ITGAM: variants seen among roughly 807,000 people sequenced by gnomAD.
The protein encoded by ITGAM is integrin alpha-M.
ITGAM carries 79 observed loss-of-function variants against 137.5 expected under a neutral mutation model. The ratio of observed to expected loss-of-function variants is 0.57; its 90% CI spans 0.48 to 0.69. The LOEUF is 0.69. ITGAM is among the 30% of genes least tolerant of loss of function. The pLI is 0.00. For synonymous variants in ITGAM, 583 were observed against 592.3 expected (o/e 0.98, Z 0.23); for missense variants, 1,343 against 1,483.5 (o/e 0.91, Z 1.56).
At position 31,330,583 on chromosome 16, in the gene ITGAM, AG is replaced by A; in HGVS notation, c.3259del (p.Ala1087ArgfsTer3). ...TCCGTGTTCACCCTGCTGCCGGGAC[AG>A]GGGGCGTTTGTGAGGTCCCAGGTAC... ...NDSVFTLLPGQGAFVRSQTET... is the reference protein window; with the variant it reads ...NDSVFTLLPGXGAFVRSQTET... On this transcript the variant is annotated frameshift_variant, in exon 28 of 30. Transcript: ENST00000544665. LOFTEE classifies it high-confidence loss of function. 6.2e-7 allele frequency: 1 copy of A among 1,611,458 alleles called. No homozygotes were observed. Among genetic ancestry groups the A allele is most frequent in the Non-Finnish European group, 8.5e-7 (1 of 1,178,422 alleles).
At chr16:31,315,385 C>T (rs11860650) in intron 14 of ITGAM, among the ~76,000 whole-genome samples, 21,632 of 152,096 alleles carry the variant, frequency 0.14, 1,714 homozygotes, top group South Asian at 0.2. Flanking sequence ...TTTCCCTCTA[C>T]GTTTCCTTCT....
At chr16:31,275,217 T>A (rs41450146) in intron 8 of ITGAM, among the ~76,000 whole-genome samples, 111 of 152,126 alleles carry the variant, frequency 7.3e-4, no homozygotes, top group African/African-American at 2.7e-3. Context: ...GAAAGCGATA[T>A]CACCATGGAT....
intron 12 of ITGAM, among the ~76,000 whole-genome samples, 186 bp downstream of exon 12, chr16:31,278,295 GATAA>G (rs1323780540): frequency 6.6e-6 from 1 of 152,126 alleles, no homozygotes; most frequent in Non-Finnish European, 1.5e-5. Flanking sequence ...TTTTAACAAT[GATAA>G]ATAACAATGC....
intron 14 of ITGAM, among the ~76,000 whole-genome samples, chr16:31,304,152 CA>C (rs1448205207): frequency 6.6e-6 from 1 of 152,088 alleles, no homozygotes; most frequent in African/African-American, 2.4e-5. Context: ...TAGTTATGGC[CA>C]TTCTTGCAGG....
At chr16:31,292,881 C>A (rs994028784) in intron 12 of ITGAM, among the ~76,000 whole-genome samples, 2 of 152,110 alleles carry the variant, frequency 1.3e-5, no homozygotes, top group African/African-American at 4.8e-5. Context: ...CCACTCCCAC[C>A]AACAGTATAA....
At chr16:31,322,413 G>A (rs1016088002) in intron 16 of ITGAM, among the ~76,000 whole-genome samples, 1 of 152,204 alleles carries the variant, frequency 6.6e-6, no homozygotes, top group Admixed American at 6.5e-5. Flanking sequence ...AATTGAAGAA[G>A]AGGTACCCTT....
At chr16:31,320,507 GCTCA>G (rs1379707893) in intron 14 of ITGAM, among the ~76,000 whole-genome samples, 1 of 151,978 alleles carries the variant, frequency 6.6e-6, no homozygotes, top group African/African-American at 2.4e-5. Context: ...GTTCCAAAAA[GCTCA>G]CTATTAAAAA....
intron 5 of ITGAM, among the ~76,000 whole-genome samples, chr16:31,270,736 TA>T (rs1434505061): frequency 1.9e-4 from 22 of 115,682 alleles, no homozygotes; most frequent in Non-Finnish European, 2.5e-4. Context: ...TATATATATA[TA>T]TATATATGTT....
chr16:31,302,490 C>CTTT (rs1287168018), intron 14 of ITGAM, among the ~76,000 whole-genome samples: 76 of 67,686 alleles, frequency 1.1e-3, no homozygotes, highest in African/African-American at 5.7e-3. Flanking sequence ...TTTCTTTTTT[C>CTTT]TTTCCTTCTT....
intron 29 of ITGAM, 128 bp from the exon 30 acceptor site, chr16:31,331,508 A>T (rs1266594438): frequency 3.1e-6 from 2 of 637,398 alleles, no homozygotes; most frequent in African/African-American, 3.8e-5. Flanking sequence ...CGCGGATGTC[A>T]CTCCCCTCCC....
At chr16:31,305,460 C>A (rs1031973341) in intron 14 of ITGAM, among the ~76,000 whole-genome samples, 1 of 152,076 alleles carries the variant, frequency 6.6e-6, no homozygotes. Flanking sequence ...TTTCTCTTGA[C>A]TGATTTGATT....
intron 12 of ITGAM, among the ~76,000 whole-genome samples, chr16:31,279,206 G>A (rs998572150): frequency 1.4e-4 from 22 of 152,240 alleles, no homozygotes; most frequent in South Asian, 6.2e-4. Context: ...ATATGTGTGC[G>A]TGTGCCTTTA....
intron 14 of ITGAM, among the ~76,000 whole-genome samples, chr16:31,313,877 C>G (rs2080362184): frequency 6.6e-6 from 1 of 152,162 alleles, no homozygotes; most frequent in African/African-American, 2.4e-5. Flanking sequence ...TCTCCACATC[C>G]TCTCCAGCAT....
At position 31,329,890 on chromosome 16, in the gene ITGAM, G is replaced by A; in HGVS notation, c.2961G>A (p.Gln987=). ...LNQTVIWDRP[Q]VTFSENLSST... ...AGACTGTCATATGGGACCGCCCCCA[G>A]GTCACCTTCTCCGAGGTGAGCGGAG... is the stretch of plus-strand genomic sequence containing the variant. The change falls in exon 25 of 30, where the codon CAG becomes CAA. Residue 987 remains glutamine, a synonymous_variant. Coordinates refer to ENST00000544665, the MANE Select transcript of ITGAM (RefSeq NM_000632.4). The A allele has an allele frequency of 1.3e-6, 2 of 1,561,634 alleles. No individual in the cohort carries two copies. Among genetic ancestry groups the A allele is most frequent in the South Asian group, 1.2e-5 (1 of 84,792 alleles).
chr16:31,293,128 T>G (rs996600390), intron 12 of ITGAM, among the ~76,000 whole-genome samples: 40 of 152,220 alleles, frequency 2.6e-4, no homozygotes, highest in Non-Finnish European at 5.9e-5. Context: ...TAAATTTGTT[T>G]AAGTACCCTG....
chr16:31,276,781 G>T, intron 10 of ITGAM, 37 bp downstream of exon 10: 1 of 1,585,108 alleles, frequency 6.3e-7, no homozygotes, highest in Non-Finnish European at 8.6e-7. Context: ...GGGTGGGGCA[G>T]GGGGTAGCAA....
Position 31,324,524 on chromosome 16 carries a change from A to C in ITGAM, c.2128A>C (p.Thr710Pro). The change falls in exon 17 of 30, where the codon ACT (threonine) becomes CCT (proline). Residue 710 changes from threonine (T) to proline (P), a missense_variant. Physicochemically the swap from Thr to Pro is conservative, Grantham distance 38. Coordinates refer to ENST00000544665, the MANE Select transcript of ITGAM (RefSeq NM_000632.4). This position sits in a 1 kb window ranked among gnomAD's most constrained non-coding sequence, Gnocchi z 4.5. ...GACACAGGTCTTGGGGCTGACCCAG[A>C]CTTGTGAGACCCTGAAACTACAGTT... ...RQTQVLGLTQ[T>P]CETLKLQLPN... 1.9e-6 allele frequency: 3 copies of C among 1,608,322 alleles called. 1 individual carries two copies. Among genetic ancestry groups the C allele is most frequent in the East Asian group, 4.5e-5 (2 of 44,666 alleles).
chr16:31,266,267 C>G (rs1382541392), intron 5 of ITGAM, 120 bp downstream of exon 5: 1 of 687,058 alleles, frequency 1.5e-6, no homozygotes, highest in Non-Finnish European at 2.5e-6. Flanking sequence ...GGAACTGGGT[C>G]CCATTAGAGT....
intron 14 of ITGAM, among the ~76,000 whole-genome samples, chr16:31,301,564 T>C (rs533581438): frequency 1.0e-3 from 158 of 152,338 alleles, no homozygotes; most frequent in African/African-American, 3.5e-3. Context: ...TTGATGTTGA[T>C]GAATTTGGCA....
Sources: allele counts gnomAD v4.1 joint callset (sites outside exome capture counted in the v4.1 genomes callset), GRCh38; gene constraint gnomAD v4.1.1; non-coding constraint Gnocchi (gnomAD v3.1); transcripts MANE v1.5; gene names NCBI Gene and HGNC (gene_info 2026-07-23, HGNC 2026-07-21).